TSNARE1: variants seen among roughly 807,000 people sequenced by gnomAD.
TSNARE1 encodes the protein t-SNARE domain containing 1.
Under a neutral mutation model 62.0 loss-of-function variants are expected in TSNARE1, and 49 were observed. That is an observed-to-expected ratio of 0.79 (90% CI 0.63 to 1.00). The LOEUF (loss-of-function observed/expected upper bound fraction) is 1.00. TSNARE1 is among the 50% of genes least tolerant of loss of function. The pLI, the probability that TSNARE1 is intolerant of heterozygous loss-of-function variation, is 0.00. For synonymous variants in TSNARE1, 328 were observed against 294.4 expected (o/e 1.11, Z -1.17); for missense variants, 755 against 700.1 (o/e 1.08, Z -0.88).
rs560226467 is a variant in TSNARE1, at chr8:142,225,838, T to G, written c.*11+3635A>C. On this transcript the variant is annotated intron_variant, in intron 13 of 13. Transcript: ENST00000524325. ...CGGTGCTCTAAACAACAGCCATGTG[T>G]TCTCTCATAGCCCGGGAGGTGAAGT... 1.2e-3 allele frequency among the ~76,000 whole-genome samples: 176 copies of G among 152,308 alleles called. 1 individual carries two copies. Among genetic ancestry groups the G allele is most frequent in the Non-Finnish European group, 7.8e-4 (53 of 68,018 alleles).
At chr8:142,293,199 G>C (rs1824099136) in intron 10 of TSNARE1, among the ~76,000 whole-genome samples, 1 of 152,240 alleles carries the variant, frequency 6.6e-6, no homozygotes, top group South Asian at 2.1e-4. Context: ...TGGCAGCAGT[G>C]CAAGGCTAAC....
rs554333714 is a variant in TSNARE1, at chr8:142,393,739, T to C, written c.-40+9365A>G. Reference sequence around the variant, plus strand: ...ACAGCCCACCCTCTCCTACTGCAGATAGGGAAGCCCAGGAGGAAAATCGAG... The same window carrying C: ...ACAGCCCACCCTCTCCTACTGCAGACAGGGAAGCCCAGGAGGAAAATCGAG... On this transcript the variant is annotated intron_variant, in intron 1 of 13. Transcript: ENST00000524325. Among the ~76,000 whole-genome samples the C allele has an allele frequency of 5.9e-5, 9 of 152,208 alleles. No individual in the cohort carries two copies. In the East Asian group the frequency reaches 1.4e-3, roughly 23 times the overall value.
chr8:142,231,416 TG>T (rs922610481), intron 12 of TSNARE1, among the ~76,000 whole-genome samples: 6 of 151,744 alleles, frequency 4.0e-5, no homozygotes, highest in African/African-American at 7.3e-5. Context: ...AATAAGGGGT[TG>T]GGGGGTGGCC....
At chr8:142,302,761 G>A (rs904828642) in intron 9 of TSNARE1, among the ~76,000 whole-genome samples, 1 of 152,146 alleles carries the variant, frequency 6.6e-6, no homozygotes, top group East Asian at 1.9e-4. Context: ...ATGAGATCTG[G>A]GTGCAATGTG....
chr8:142,250,055 G>A (rs541779584), intron 12 of TSNARE1, among the ~76,000 whole-genome samples: 17 of 152,308 alleles, frequency 1.1e-4, no homozygotes, highest in Admixed American at 1.0e-3. Flanking sequence ...ACCTCTCTGG[G>A]CCTCCCATGC....
intron 4 of TSNARE1, among the ~76,000 whole-genome samples, chr8:142,341,696 A>T (rs1022565763): frequency 1.3e-5 from 2 of 152,180 alleles, no homozygotes; most frequent in Admixed American, 6.5e-5. Context: ...GTCACTGTCC[A>T]TCAGCCACTC....
At chr8:142,341,270 AC>A (rs1270680225) in intron 4 of TSNARE1, among the ~76,000 whole-genome samples, 10 of 151,352 alleles carry the variant, frequency 6.6e-5, no homozygotes, top group East Asian at 5.9e-4. Flanking sequence ...CCCTGCACCC[AC>A]CCCCCCAGGC....
intron 1 of TSNARE1, among the ~76,000 whole-genome samples, chr8:142,373,679 G>C (rs960952397): frequency 4.7e-5 from 7 of 149,532 alleles, no homozygotes; most frequent in Admixed American, 6.7e-5. Flanking sequence ...GAGAGAAAGT[G>C]AGTCAGGCAA....
At chr8:142,269,326 G>T in intron 12 of TSNARE1, 1 of 564,006 alleles carries the variant, frequency 1.8e-6, no homozygotes, top group Non-Finnish European at 2.2e-6. Flanking sequence ...TCAGGGCTCA[G>T]GGTCAAGGCT....
intron 10 of TSNARE1, among the ~76,000 whole-genome samples, chr8:142,293,602 T>C (rs1237455633): frequency 1.3e-5 from 2 of 152,164 alleles, no homozygotes; most frequent in South Asian, 2.1e-4. Context: ...CTACTTCTCC[T>C]TGTCTAGAAG....
Position 142,318,710 on chromosome 8 carries a change from C to T in TSNARE1, c.894-76G>A. 2.1e-6 allele frequency: 3 copies of T among 1,451,500 alleles called. No individual in the cohort carries two copies. In the South Asian group the frequency reaches 3.4e-5, roughly 17 times the overall value. 89.9% of individuals were successfully genotyped at this position (1,451,500 alleles called of 1,614,324 possible). A position where few individuals can be genotyped will look rare whatever the true frequency, so the allele number is the denominator to read the frequency against. On this transcript the variant is annotated intron_variant, in intron 6 of 13. Coordinates refer to ENST00000524325, the MANE Select transcript of TSNARE1 (RefSeq NM_145003.5). ...AGAGCAAGGGCCCAGAAGGACGGAGCAAGCAGGGACGCACGGGCCGAGTGG... is the reference window on the plus strand; with the variant it reads ...AGAGCAAGGGCCCAGAAGGACGGAGTAAGCAGGGACGCACGGGCCGAGTGG...
At chr8:142,254,866 G>A (rs1276234023) in intron 12 of TSNARE1, among the ~76,000 whole-genome samples, 1 of 152,146 alleles carries the variant, frequency 6.6e-6, no homozygotes, top group African/African-American at 2.4e-5. Context: ...CTGCACCCGG[G>A]GCTCTGGTGC....
At chr8:142,324,413 G>A (rs188360093) in intron 6 of TSNARE1, among the ~76,000 whole-genome samples, 61 of 152,278 alleles carry the variant, frequency 4.0e-4, no homozygotes, top group Middle Eastern at 3.4e-3. Flanking sequence ...AGGTGGTGCC[G>A]TTGCTGCCAG....
chr8:142,326,185 C>T (rs1248993091), intron 6 of TSNARE1: 5 of 153,972 alleles, frequency 3.2e-5, no homozygotes, highest in African/African-American at 8.8e-5. Flanking sequence ...GAGCACGAGA[C>T]GGATGAGGAA....
chr8:142,377,687 G>C (rs1836447747), intron 1 of TSNARE1, among the ~76,000 whole-genome samples: 2 of 152,152 alleles, frequency 1.3e-5, no homozygotes, highest in African/African-American at 4.8e-5. Flanking sequence ...CACAGCTTGT[G>C]GGGGTGCGAA....
intron 13 of TSNARE1, among the ~76,000 whole-genome samples, chr8:142,220,507 CT>C (rs1470373940): frequency 1.3e-5 from 2 of 152,068 alleles, no homozygotes; most frequent in Non-Finnish European, 2.9e-5. Context: ...CTCTCACACC[CT>C]GAGGGCAGGG....
At chr8:142,271,844 C>T (rs929223057) in intron 12 of TSNARE1, among the ~76,000 whole-genome samples, 1 of 151,996 alleles carries the variant, frequency 6.6e-6, no homozygotes, top group Admixed American at 6.6e-5. Flanking sequence ...GAGTTGCACC[C>T]GTTTGAGAGA....
intron 11 of TSNARE1, chr8:142,275,861 T>A: frequency 1.1e-6 from 1 of 924,480 alleles, no homozygotes; most frequent in Non-Finnish European, 1.3e-6. Context: ...CTGGCACGAC[T>A]GGCTCTGAGG....
chr8:142,328,123 T>A (rs1035882322), intron 6 of TSNARE1, among the ~76,000 whole-genome samples: 2 of 152,044 alleles, frequency 1.3e-5, no homozygotes, highest in African/African-American at 4.8e-5. Context: ...TTTCCCTTCT[T>A]ACTAAAGAAT....
Sources: gnomAD v4.1 joint callset for allele counts (sites outside exome capture counted in the v4.1 genomes callset) on GRCh38, gnomAD v4.1.1 for gene constraint, MANE v1.5 for transcripts, NCBI Gene and HGNC (gene_info 2026-07-23, HGNC 2026-07-21) for gene names.